BCDIN3D: variants seen among roughly 807,000 people sequenced by gnomAD.
BCDIN3D encodes RNA 5'-monophosphate methyltransferase.
In BCDIN3D, 15 loss-of-function variants were observed where a neutral mutation model predicts 21.2. The observed-to-expected ratio is 0.71, with a 90% CI of 0.47 to 1.09. The LOEUF (loss-of-function observed/expected upper bound fraction) is 1.09, where lower values mean the gene tolerates loss of function less well. Ranked by LOEUF, BCDIN3D falls within the 50% of genes least tolerant of loss-of-function variation. The pLI is 0.00. For synonymous variants in BCDIN3D, 127 were observed against 141.9 expected (o/e 0.90, Z 0.75); for missense variants, 331 against 366.2 (o/e 0.90, Z 0.79).
chr12:49,838,283 C>A lies in BCDIN3D; in HGVS notation c.*88G>T. On this transcript the variant is annotated 3_prime_UTR_variant, in exon 2 of 2. Transcript: ENST00000333924. ...AAGCTCCTGCCAGGTTTTGCGGCTGCCTGATTGTTAAGGAATTAAGGAGAA... is the reference window on the plus strand; with the variant it reads ...AAGCTCCTGCCAGGTTTTGCGGCTGACTGATTGTTAAGGAATTAAGGAGAA... 3 of 1,399,922 alleles carry A rather than the reference C, an allele frequency of 2.1e-6. No homozygotes were observed. Among genetic ancestry groups the A allele is most frequent in the Non-Finnish European group, 2.9e-6 (3 of 1,040,874 alleles). The allele number at this position is 1,399,922 out of a possible 1,614,324, so 86.7% of individuals were successfully genotyped here.
Position 49,838,677 on chromosome 12 carries a change from G to C in BCDIN3D, c.573C>G (p.His191Gln), listed in dbSNP as rs778901015. ...AGGGTTGGGGCTCCACAAGGAGGTA[G>C]TGGCAGAGGGAGGAAAGATGGGCCA... ...EFLAHLSSLC[H>Q]YLLVEPQPWK... The change falls in exon 2 of 2, where the codon CAC (histidine) becomes CAG (glutamine). Residue 191 changes from histidine (H) to glutamine (Q), a missense_variant. His to Gln is a conservative substitution (Grantham distance 24). Transcript: ENST00000333924. 6.2e-7 allele frequency: 1 copy of C among 1,613,940 alleles called. No individual in the cohort carries two copies. The highest frequency in any genetic ancestry group is 1.1e-5 in the South Asian group (1 of 91,080).
Position 49,842,733 on chromosome 12 carries a change from C to T in BCDIN3D, c.234+121G>A, listed in dbSNP as rs1946561736. 3.3e-6 allele frequency: 3 copies of T among 913,414 alleles called. No homozygotes were observed. The African/African-American group carries it at 5.0e-5, about 15-fold the overall frequency. 56.6% of individuals were successfully genotyped at this position (913,414 alleles called of 1,614,324 possible). ...GCAGCGGCACTGGCTCAGTCAAAGC[C>T]ACGCTTTATACTCGTTTTGGGAAAG... On this transcript the variant is annotated intron_variant, in intron 1 of 1. Transcript: ENST00000333924.
chr12:49,843,021 C>T lies in BCDIN3D; in HGVS notation c.67G>A (p.Val23Ile). The T allele has an allele frequency of 6.2e-7, 1 of 1,614,232 alleles. No homozygotes were observed. Among genetic ancestry groups the T allele is most frequent in the Non-Finnish European group, 8.5e-7 (1 of 1,180,050 alleles). The change falls in exon 1 of 2, where the codon GTT becomes ATT. Residue 23 changes from valine to isoleucine, a missense_variant. Physicochemically the swap from Val to Ile is conservative, Grantham distance 29. Coordinates refer to ENST00000333924, the MANE Select transcript of BCDIN3D (RefSeq NM_181708.3). ...AACGGGGCGGCGCCAGGTGCCAGAA[C>T]TCGCGATTCCTCTTCCGCTGCGGTC... Reference protein sequence around the residue: ...KETAAEEESRVLAPGAAPFGN... With the variant: ...KETAAEEESRILAPGAAPFGN...
In BCDIN3D at chr12:49,843,104, T is replaced by C; in HGVS notation, c.-17A>G. ...CACCGCCATTAGCCTCAACACAGCC[T>C]CTGGGCCGTGGCGGAACCGGAAGCC... is the stretch of plus-strand genomic sequence containing the variant. On this transcript the variant is annotated 5_prime_UTR_variant, in exon 1 of 2. Transcript: ENST00000333924. 4 of 1,583,208 alleles carry C rather than the reference T, an allele frequency of 2.5e-6. No homozygotes were observed. In the South Asian group the frequency reaches 3.4e-5, roughly 13 times the overall value.
Position 49,836,840 on chromosome 12 carries a change from T to G in BCDIN3D, c.*1531A>C, listed in dbSNP as rs558527896. 6.6e-6 allele frequency: 1 copy of G among 152,324 alleles called. No individual in the cohort carries two copies. Among genetic ancestry groups the G allele is most frequent in the East Asian group, 1.9e-4 (1 of 5,186 alleles). The allele number at this position is 152,324 out of a possible 1,614,324, so 9.4% of individuals were successfully genotyped here. A position where few individuals can be genotyped will look rare whatever the true frequency, so the allele number is the denominator to read the frequency against. On this transcript the variant is annotated 3_prime_UTR_variant, in exon 2 of 2. Transcript: ENST00000333924. Reference sequence around the variant, plus strand: ...TATTCTGCAAAATACCTTCACATCCTTAGCTCATTTGGGCATAGGAAAAGG... The same window carrying G: ...TATTCTGCAAAATACCTTCACATCCGTAGCTCATTTGGGCATAGGAAAAGG...
At position 49,843,097 on chromosome 12, in the gene BCDIN3D, C is replaced by G; in HGVS notation, c.-10G>C. The G allele has an allele frequency of 6.2e-7, 1 of 1,608,816 alleles. No individual in the cohort carries two copies. The highest frequency in any genetic ancestry group is 8.5e-7 in the Non-Finnish European group (1 of 1,176,186). Reference sequence around the variant, plus strand: ...CCGTGGGCACCGCCATTAGCCTCAACACAGCCTCTGGGCCGTGGCGGAACC... The same window carrying G: ...CCGTGGGCACCGCCATTAGCCTCAAGACAGCCTCTGGGCCGTGGCGGAACC... On this transcript the variant is annotated 5_prime_UTR_variant, in exon 1 of 2. Transcript: ENST00000333924.
rs1946515279 is a variant in BCDIN3D at position 49,837,348 on chromosome 12, C to T, written c.*1023G>A. Reference sequence around the variant, plus strand: ...TGTCGCCCAGGCTGGAGTGCAGTGGCGGGATCTCGGCTCACTGCAAGCTCC... The same window carrying T: ...TGTCGCCCAGGCTGGAGTGCAGTGGTGGGATCTCGGCTCACTGCAAGCTCC... On this transcript the variant is annotated 3_prime_UTR_variant, in exon 2 of 2. Coordinates refer to ENST00000333924, the MANE Select transcript of BCDIN3D (RefSeq NM_181708.3). 1 of 124,592 alleles carries T rather than the reference C, an allele frequency of 8.0e-6. No individual in the cohort carries two copies. Among genetic ancestry groups the T allele is most frequent in the African/African-American group, 3.0e-5 (1 of 32,816 alleles). The allele number at this position is 124,592 out of a possible 1,614,324, so 7.7% of individuals were successfully genotyped here. A position where few individuals can be genotyped will look rare whatever the true frequency, so the allele number is the denominator to read the frequency against.
In BCDIN3D at chr12:49,838,440, A is replaced by G; in HGVS notation, c.810T>C (p.Thr270=). The part of the protein sequence containing the change: ...LLFRAKQTIE[T]HPIPESLIEK... Reference sequence around the variant, plus strand: ...CTATCAGTGATTCAGGGATTGGATGAGTCTCTATGGTTTGTTTTGCCCTGA... The same window carrying G: ...CTATCAGTGATTCAGGGATTGGATGGGTCTCTATGGTTTGTTTTGCCCTGA... Residue 270 remains threonine, a synonymous_variant, in exon 2 of 2, where the codon ACT becomes ACC. Transcript: ENST00000333924. 1 of 1,613,282 alleles carries G rather than the reference A, an allele frequency of 6.2e-7. No individual in the cohort carries two copies. The highest frequency in any genetic ancestry group is 1.7e-5 in the Admixed American group (1 of 60,006).
rs925882463 is a variant in BCDIN3D, at chr12:49,836,551, C to T, written c.*1820G>A. 6.6e-5 allele frequency: 10 copies of T among 152,204 alleles called. No homozygotes were observed. The highest frequency in any genetic ancestry group is 2.4e-4 in the African/African-American group (10 of 41,438). 9.4% of individuals were successfully genotyped at this position (152,204 alleles called of 1,614,324 possible). A position where few individuals can be genotyped will look rare whatever the true frequency, so the allele number is the denominator to read the frequency against. On this transcript the variant is annotated 3_prime_UTR_variant, in exon 2 of 2. Transcript: ENST00000333924. The stretch of plus-strand genomic sequence containing the variant: ...CTCAGCTCTGTATCTACTGTGATAA[C>T]TGAGACCATCATAAACTAGCCTCAT...
chr12:49,836,628 C>T lies in BCDIN3D; in HGVS notation c.*1743G>A, dbSNP rs944451637. The T allele has an allele frequency of 1.3e-5, 2 of 152,344 alleles. No individual in the cohort carries two copies. Among genetic ancestry groups the T allele is most frequent in the East Asian group, 3.9e-4 (2 of 5,186 alleles). 9.4% of individuals were successfully genotyped at this position (152,344 alleles called of 1,614,324 possible). On this transcript the variant is annotated 3_prime_UTR_variant, in exon 2 of 2. Transcript: ENST00000333924. ...CCAACACTGCTTCCTTTAAAATGCTCTGTAGCACTGAAGCTGGACTCCTTA... is the reference window on the plus strand; with the variant it reads ...CCAACACTGCTTCCTTTAAAATGCTTTGTAGCACTGAAGCTGGACTCCTTA...
In BCDIN3D at chr12:49,838,496, T is replaced by G. The variant is rs993382728; in HGVS notation, c.754A>C (p.Asn252His). 3 of 1,614,174 alleles carry G rather than the reference T, an allele frequency of 1.9e-6. No homozygotes were observed. Among genetic ancestry groups the G allele is most frequent in the Non-Finnish European group, 2.5e-6 (3 of 1,180,032 alleles). ...AGAAGGCTTCTGTCCCAACTGGTGT[T>G]GCCAAAGCAACATATTAATTCCATG... is the stretch of plus-strand genomic sequence containing the variant. ...HGMELICCFGNTSWDRSLLLF... is the reference protein window; with the variant it reads ...HGMELICCFGHTSWDRSLLLF... Residue 252 changes from asparagine to histidine, a missense_variant, in exon 2 of 2, where the codon AAC becomes CAC. Physicochemically the swap from Asn to His is moderately conservative, Grantham distance 68. Transcript: ENST00000333924.
intron 1 of BCDIN3D, among the ~76,000 whole-genome samples, chr12:49,842,146 G>GGGAT (rs1946557457): frequency 2.0e-5 from 3 of 152,106 alleles, no homozygotes; most frequent in Admixed American, 2.0e-4. Flanking sequence ...AGTGGCACTA[G>GGGAT]CTCGGCTCAC....
At chr12:49,842,703 A>G (rs1291847136) in intron 1 of BCDIN3D, 151 bp downstream of exon 1, 1 of 680,486 alleles carries the variant, frequency 1.5e-6, no homozygotes. Flanking sequence ...CCTGGCGGGC[A>G]GGCAGCAGCG....
At chr12:49,839,656 C>A (rs1046276219) in intron 1 of BCDIN3D, 6 of 152,042 alleles carry the variant, frequency 3.9e-5, no homozygotes, top group East Asian at 1.9e-4. Context: ...ACATTAGCAC[C>A]TTTTTTACTC....
rs1424358273 is a variant in BCDIN3D, at chr12:49,838,357, C to G, written c.*14G>C. 2 of 1,592,896 alleles carry G rather than the reference C, an allele frequency of 1.3e-6. No homozygotes were observed. Among genetic ancestry groups the G allele is most frequent in the Non-Finnish European group, 1.7e-6 (2 of 1,175,136 alleles). On this transcript the variant is annotated 3_prime_UTR_variant, in exon 2 of 2. Transcript: ENST00000333924. ...CCCTTTCAATATCTTTCTTGGTCTT[C>G]TTGCCCTCCCATCTCACTGCTTCTG...
rs143884120 is a variant in BCDIN3D at position 49,838,519 on chromosome 12, A to C, written c.731T>G (p.Met244Arg). ...IVQILTQDHGMELICCFGNTS... is the reference protein window; with the variant it reads ...IVQILTQDHGRELICCFGNTS... ...GTTGCCAAAGCAACATATTAATTCC[A>C]TGCCATGATCCTGGGTCAAGATCTG... The change falls in exon 2 of 2, where the codon ATG (methionine) becomes AGG (arginine). Residue 244 changes from methionine (M) to arginine (R), a missense_variant. Transcript: ENST00000333924. The C allele has an allele frequency of 2.5e-6, 4 of 1,614,044 alleles. No homozygotes were observed. The highest frequency in any genetic ancestry group is 3.4e-6 in the Non-Finnish European group (4 of 1,180,038).
chr12:49,841,828 G>C (rs1946555296), intron 1 of BCDIN3D, among the ~76,000 whole-genome samples: 1 of 152,206 alleles, frequency 6.6e-6, no homozygotes, highest in African/African-American at 2.4e-5. Flanking sequence ...GAGTGATGGA[G>C]GGAGCGCAGA....
In BCDIN3D at chr12:49,837,429, A is replaced by G. The variant is rs1195173230; in HGVS notation, c.*942T>C. 1.3e-5 allele frequency: 2 copies of G among 149,934 alleles called. No homozygotes were observed. The highest frequency in any genetic ancestry group is 3.0e-5 in the Non-Finnish European group (2 of 67,190). The allele number at this position is 149,934 out of a possible 1,614,324, so 9.3% of individuals were successfully genotyped here. A position where few individuals can be genotyped will look rare whatever the true frequency, so the allele number is the denominator to read the frequency against. ...CAGCCTCCCAAGTAGCTGGGACTAC[A>G]GGCGCCCGCCACTACGCCCGGCTAA... On this transcript the variant is annotated 3_prime_UTR_variant, in exon 2 of 2. Transcript: ENST00000333924.
intron 1 of BCDIN3D, chr12:49,839,760 T>TCTCGG (rs1946539683): frequency 6.6e-6 from 1 of 152,218 alleles, no homozygotes; most frequent in African/African-American, 2.4e-5. Context: ...AATGGCGTGA[T>TCTCGG]CTCAGCAACC....
Sources: allele counts gnomAD v4.1 joint callset (sites outside exome capture counted in the v4.1 genomes callset), GRCh38; gene constraint gnomAD v4.1.1; transcripts MANE v1.5; gene names NCBI Gene and HGNC (gene_info 2026-07-23, HGNC 2026-07-21).